Variants in AGAP1 observed in about 807,000 individuals in gnomAD.
The protein encoded by AGAP1 is arf-GAP with GTPase, ANK repeat and PH domain-containing protein 1.
In AGAP1, 29 loss-of-function variants were observed where a neutral mutation model predicts 105.3. That is an observed-to-expected ratio of 0.28 (90% CI 0.21 to 0.38). AGAP1 has a LOEUF of 0.38. Ranked by LOEUF, AGAP1 falls within the 10% of genes least tolerant of loss-of-function variation. The pLI, the probability that AGAP1 is intolerant of heterozygous loss-of-function variation, is 1.00. For synonymous variants in AGAP1, 509 were observed against 485.9 expected (o/e 1.05, Z -0.63); for missense variants, 998 against 1,165.1 (o/e 0.86, Z 2.09).
chr2:235,925,408 T>G (rs2052398951), intron 11 of AGAP1, among the ~76,000 whole-genome samples: 1 of 152,116 alleles, frequency 6.6e-6, no homozygotes, highest in Non-Finnish European at 1.5e-5. Flanking sequence ...GGCTGTGTGT[T>G]GAGGTGGTCC....
At chr2:235,588,343 A>G (rs1254122700) in intron 1 of AGAP1, among the ~76,000 whole-genome samples, 1 of 152,166 alleles carries the variant, frequency 6.6e-6, no homozygotes, top group Non-Finnish European at 1.5e-5. Flanking sequence ...TACCAGAACA[A>G]AGGGAAGGCT....
chr2:235,688,270 A>G (rs569876005), intron 1 of AGAP1, among the ~76,000 whole-genome samples: 1 of 152,206 alleles, frequency 6.6e-6, no homozygotes, highest in South Asian at 2.1e-4. Flanking sequence ...AGGTGTCAGT[A>G]TTTTAGGAGT....
intron 1 of AGAP1, among the ~76,000 whole-genome samples, chr2:235,522,494 G>C (rs1942660641): frequency 6.6e-6 from 1 of 152,184 alleles, no homozygotes; most frequent in Non-Finnish European, 1.5e-5. Context: ...GGACGCAAGA[G>C]AATGGGAGAC....
At position 236,113,261 on chromosome 2, in the gene AGAP1, C is replaced by G. The variant is rs2059694670; in HGVS notation, c.2115-6931C>G. 6.6e-6 allele frequency among the ~76,000 whole-genome samples: 1 copy of G among 152,194 alleles called. No individual in the cohort carries two copies. The highest frequency in any genetic ancestry group is 6.5e-5 in the Admixed American group (1 of 15,286). ...GTTCAAGCAATTCTCTGCCTCAGCC[C>G]CCCCGAGTAGCTGGGATTACAGGCA... On this transcript the variant is annotated intron_variant, in intron 16 of 17. Coordinates refer to ENST00000304032, the MANE Select transcript of AGAP1 (RefSeq NM_001037131.3). The surrounding 1 kb of genome is among the most constrained non-coding windows in gnomAD (Gnocchi z 4.3).
intron 1 of AGAP1, among the ~76,000 whole-genome samples, chr2:235,677,754 C>G (rs569271558): frequency 6.6e-6 from 1 of 151,754 alleles, no homozygotes; most frequent in Non-Finnish European, 1.5e-5. Flanking sequence ...GAGATTGACT[C>G]GGTGAACAAT....
chr2:235,518,474 G>A (rs1323043992), intron 1 of AGAP1, among the ~76,000 whole-genome samples: 1 of 152,176 alleles, frequency 6.6e-6, no homozygotes, highest in Non-Finnish European at 1.5e-5. Flanking sequence ...GCCCCACCCT[G>A]CAATTGGTTT....
chr2:235,739,050 G>T lies in AGAP1; in HGVS notation c.311-1913G>T, dbSNP rs1207519296. ...TATTAAAGCAGGTTAAAAGAACCTT[G>T]GCAGAAATTTCAAATAAGACTGGGT... On this transcript the variant is annotated intron_variant, in intron 3 of 17. Transcript: ENST00000304032. This position sits in a 1 kb window ranked among gnomAD's most constrained non-coding sequence, Gnocchi z 5.3. 6.6e-6 allele frequency among the ~76,000 whole-genome samples: 1 copy of T among 152,174 alleles called. No individual in the cohort carries two copies. The highest frequency in any genetic ancestry group is 6.5e-5 in the Admixed American group (1 of 15,276).
intron 1 of AGAP1, among the ~76,000 whole-genome samples, chr2:235,653,386 A>C (rs772612923): frequency 9.2e-4 from 139 of 151,784 alleles, no homozygotes; most frequent in Non-Finnish European, 1.5e-3. Context: ...ATGGCATGAA[A>C]CCGGGAGGCA....
At chr2:235,954,501 A>G (rs999369064) in intron 12 of AGAP1, among the ~76,000 whole-genome samples, 1 of 148,136 alleles carries the variant, frequency 6.8e-6, no homozygotes, top group Admixed American at 6.9e-5. Flanking sequence ...TCTCCTTACA[A>G]TGCCTCATCT....
At chr2:235,997,947 C>T (rs183815536) in intron 13 of AGAP1, among the ~76,000 whole-genome samples, 127 of 152,234 alleles carry the variant, frequency 8.3e-4, no homozygotes, top group Non-Finnish European at 1.4e-3. Context: ...GAAGGGCCCA[C>T]AGTTTGGATG....
chr2:235,550,162 A>G lies in AGAP1; in HGVS notation c.163+55313A>G, dbSNP rs905888030. Among the ~76,000 whole-genome samples, 25 of 152,126 alleles carry G rather than the reference A, an allele frequency of 1.6e-4. No individual in the cohort carries two copies. Among genetic ancestry groups the G allele is most frequent in the Non-Finnish European group, 3.2e-4 (22 of 68,022 alleles). On this transcript the variant is annotated intron_variant, in intron 1 of 17. Transcript: ENST00000304032. The surrounding 1 kb of genome is among the most constrained non-coding windows in gnomAD (Gnocchi z 4.6). ...CCATCATCCTGCGTGCAGCCTGCACACTCCCAGCACCCGTGGCAGTCTTAG... is the reference window on the plus strand; with the variant it reads ...CCATCATCCTGCGTGCAGCCTGCACGCTCCCAGCACCCGTGGCAGTCTTAG...
intron 12 of AGAP1, among the ~76,000 whole-genome samples, chr2:235,949,798 G>A (rs2053656843): frequency 6.6e-6 from 1 of 152,182 alleles, no homozygotes; most frequent in African/African-American, 2.4e-5. Flanking sequence ...CGAGCACGTG[G>A]ACCCTGTGCT....
At chr2:235,671,532 T>C (rs1948429540) in intron 1 of AGAP1, among the ~76,000 whole-genome samples, 1 of 152,324 alleles carries the variant, frequency 6.6e-6, no homozygotes, top group African/African-American at 2.4e-5. Context: ...TGCTACCATC[T>C]GTCAGTGTTG....
chr2:235,670,364 G>C (rs147286947), intron 1 of AGAP1: 56 of 535,518 alleles, frequency 1.0e-4, no homozygotes, highest in African/African-American at 9.9e-4. Flanking sequence ...CCGGCCGCGC[G>C]CTTGGGATTT....
At chr2:235,853,170 G>A in intron 9 of AGAP1, 1 of 1,109,938 alleles carries the variant, frequency 9.0e-7, no homozygotes, top group Non-Finnish European at 1.1e-6. Flanking sequence ...ACAAGCAGTG[G>A]TAGAAACATA....
rs1042482749 is a variant in AGAP1 at position 235,875,232 on chromosome 2, G to A, written c.1051-8113G>A. ...ATCTGCCAACCAGAGAGCAACTCCC[G>A]TTGTTTGTTTTCACCTTTTAGAATT... On this transcript the variant is annotated intron_variant, in intron 9 of 17. Transcript: ENST00000304032. The surrounding 1 kb of genome is among the most constrained non-coding windows in gnomAD (Gnocchi z 4.0). 5.3e-5 allele frequency among the ~76,000 whole-genome samples: 8 copies of A among 152,144 alleles called. No individual in the cohort carries two copies. The highest frequency in any genetic ancestry group is 3.9e-4 in the Admixed American group (6 of 15,278).
At chr2:235,780,860 C>T (rs944348546) in intron 6 of AGAP1, among the ~76,000 whole-genome samples, 4 of 152,172 alleles carry the variant, frequency 2.6e-5, no homozygotes, top group Non-Finnish European at 5.9e-5. Flanking sequence ...ATGATGGTAT[C>T]TGCTGTGTAG....
chr2:235,975,250 C>T (rs1232442879), intron 13 of AGAP1, among the ~76,000 whole-genome samples: 1 of 152,104 alleles, frequency 6.6e-6, no homozygotes, highest in Middle Eastern at 3.2e-3. Context: ...TACCTTTTAC[C>T]TGAGGACTTT....
Position 236,101,453 on chromosome 2 carries a change from TAGCC to T in AGAP1, c.2115-18735_2115-18732del, listed in dbSNP as rs1184064858. The stretch of plus-strand genomic sequence containing the variant: ...CTCTTTCTCAGGTTTGACAGCCACT[TAGCC>T]AGCAAATCCCTGAGAAGCCACCGGC... On this transcript the variant is annotated intron_variant, in intron 16 of 17. Transcript: ENST00000304032. This position sits in a 1 kb window ranked among gnomAD's most constrained non-coding sequence, Gnocchi z 4.9. Among the ~76,000 whole-genome samples the T allele has an allele frequency of 3.9e-5, 6 of 152,174 alleles. No homozygotes were observed. Among genetic ancestry groups the T allele is most frequent in the East Asian group, 1.9e-4 (1 of 5,180 alleles).
Sources: gnomAD v4.1 joint callset for allele counts (sites outside exome capture counted in the v4.1 genomes callset) on GRCh38, gnomAD v4.1.1 for gene constraint, Gnocchi (gnomAD v3.1) non-coding constraint, MANE v1.5 for transcripts, NCBI Gene and HGNC (gene_info 2026-07-23, HGNC 2026-07-21) for gene names.